PREX2: variants seen among roughly 807,000 people sequenced by gnomAD.
The protein encoded by PREX2 is phosphatidylinositol-3,4,5-trisphosphate dependent Rac exchange factor 2.
A neutral mutation model predicts 203.2 loss-of-function variants in PREX2; 107 were observed. That is an observed-to-expected ratio of 0.53 (90% CI 0.45 to 0.62). The LOEUF (loss-of-function observed/expected upper bound fraction) is 0.62, where lower values mean the gene tolerates loss of function less well. Ranked by LOEUF, PREX2 falls within the 20% of genes least tolerant of loss-of-function variation. The pLI, the probability that PREX2 is intolerant of heterozygous loss-of-function variation, is 0.00. For synonymous variants in PREX2, 672 were observed against 663.6 expected (o/e 1.01, Z -0.19); for missense variants, 1,777 against 1,955.9 (o/e 0.91, Z 1.72).
At chr8:68,124,942 A>G (rs561101867) in intron 30 of PREX2, among the ~76,000 whole-genome samples, 1 of 152,148 alleles carries the variant, frequency 6.6e-6, no homozygotes, top group South Asian at 2.1e-4. Context: ...ATTTAGTTGC[A>G]TCTCTGGTTG....
intron 35 of PREX2, among the ~76,000 whole-genome samples, chr8:68,175,524 T>TAAGTA (rs1811961423): frequency 6.6e-6 from 1 of 152,042 alleles, no homozygotes; most frequent in Non-Finnish European, 1.5e-5. Flanking sequence ...CAAGCGATAA[T>TAAGTA]GAGAACCCTA....
intron 7 of PREX2, among the ~76,000 whole-genome samples, chr8:68,043,758 G>A (rs1808264441): frequency 6.6e-6 from 1 of 151,954 alleles, no homozygotes. Context: ...TGTGCTTAAT[G>A]ATTCAAATAC....
In PREX2 at chr8:68,217,693, A is replaced by C. The variant is rs1563592194; in HGVS notation, c.4682A>C (p.Gln1561Pro). The change falls in exon 38 of 40, where the codon CAG becomes CCG. Residue 1561 changes from glutamine (Q) to proline (P), a missense_variant. Transcript: ENST00000288368. ...SHGLPPRYIM[Q>P]ATDVMRKQGA... is the part of the protein sequence containing the mutation. ...GGACTGCCACCTCGTTACATCATGC[A>C]GGCTACAGATGTGATGCGGAAGCAG... The C allele has an allele frequency of 6.2e-7, 1 of 1,613,780 alleles. No individual in the cohort carries two copies.
rs565379480 is a variant in PREX2, at chr8:68,020,065, C to A, written c.336+394C>A. On this transcript the variant is annotated intron_variant, in intron 3 of 39. Transcript: ENST00000288368. ...AGCCTTTTATTAGTCAGAATGTTCC[C>A]TTGTTAATCAACTTGTGACAAACCT... is the stretch of plus-strand genomic sequence containing the variant. 2.1e-3 allele frequency among the ~76,000 whole-genome samples: 326 copies of A among 152,146 alleles called. 2 individuals carry two copies. Among genetic ancestry groups the A allele is most frequent in the African/African-American group, 7.5e-3 (312 of 41,498 alleles).
At chr8:68,074,702 A>G (rs962906984) in intron 14 of PREX2, among the ~76,000 whole-genome samples, 1 of 151,988 alleles carries the variant, frequency 6.6e-6, no homozygotes. Context: ...TTTGTTTTTC[A>G]TGTAAGGGTC....
intron 38 of PREX2, 35 bp from the exon 39 acceptor site, chr8:68,224,524 A>C: frequency 6.5e-7 from 1 of 1,527,416 alleles, no homozygotes; most frequent in Non-Finnish European, 9.1e-7. Context: ...TTACTAACAC[A>C]CTGTAGGGAT....
chr8:68,134,960 A>C (rs1374790589), intron 32 of PREX2, among the ~76,000 whole-genome samples: 1 of 152,192 alleles, frequency 6.6e-6, no homozygotes, highest in Non-Finnish European at 1.5e-5. Context: ...TTAAAAGCAA[A>C]TGTGTTCACT....
At chr8:68,016,095 A>ATAG (rs1211403024) in intron 1 of PREX2, among the ~76,000 whole-genome samples, 1 of 152,224 alleles carries the variant, frequency 6.6e-6, no homozygotes, top group Non-Finnish European at 1.5e-5. Flanking sequence ...TTTATTTTAA[A>ATAG]TAGTCTTGTT....
At chr8:68,123,674 T>G (rs1431005233) in intron 30 of PREX2, among the ~76,000 whole-genome samples, 1 of 151,840 alleles carries the variant, frequency 6.6e-6, no homozygotes, top group East Asian at 1.9e-4. Flanking sequence ...AATGGATAAA[T>G]TCCTGGACAC....
rs1811154377 is a variant in PREX2, at chr8:68,138,397, G to A, written c.3985-18G>A. 3.0e-6 allele frequency: 4 copies of A among 1,353,764 alleles called. No homozygotes were observed. The highest frequency in any genetic ancestry group is 4.1e-6 in the Non-Finnish European group (4 of 964,772). 83.9% of individuals were successfully genotyped at this position (1,353,764 alleles called of 1,614,324 possible). A position where few individuals can be genotyped will look rare whatever the true frequency, so the allele number is the denominator to read the frequency against. ...TTTATATCATCTTGTATTATATATT[G>A]TTTTTCTTTCTTTGTAGACAGATGA... is the stretch of plus-strand genomic sequence containing the variant. On this transcript the variant is annotated intron_variant, in intron 32 of 39. Transcript: ENST00000288368.
intron 21 of PREX2, 62 bp downstream of exon 21, chr8:68,093,784 A>G: frequency 1.2e-6 from 1 of 826,800 alleles, no homozygotes; most frequent in Non-Finnish European, 2.0e-6. Context: ...GCATGTGCCT[A>G]CTCCCAAATA....
intron 38 of PREX2, among the ~76,000 whole-genome samples, chr8:68,219,170 C>T (rs933103956): frequency 6.6e-6 from 1 of 152,092 alleles, no homozygotes; most frequent in Admixed American, 6.5e-5. Context: ...CTGGAATTTA[C>T]TTTCTTTTAG....
intron 1 of PREX2, among the ~76,000 whole-genome samples, chr8:68,011,636 A>G (rs1247953412): frequency 6.6e-6 from 1 of 152,032 alleles, no homozygotes; most frequent in Non-Finnish European, 1.5e-5. Context: ...TGACTTTTAT[A>G]TGAATACTCT....
intron 6 of PREX2, among the ~76,000 whole-genome samples, chr8:68,031,852 A>C (rs1422347561): frequency 6.6e-6 from 1 of 152,208 alleles, no homozygotes; most frequent in Non-Finnish European, 1.5e-5. Context: ...TGTCACTCAA[A>C]CACTGGAAGA....
At chr8:67,982,777 C>G (rs956427150) in intron 1 of PREX2, among the ~76,000 whole-genome samples, 1 of 152,174 alleles carries the variant, frequency 6.6e-6, no homozygotes, top group African/African-American at 2.4e-5. Flanking sequence ...TTCTGACCCT[C>G]AAGATGGAAT....
At chr8:68,073,748 A>G (rs1809267335) in intron 14 of PREX2, among the ~76,000 whole-genome samples, 1 of 152,128 alleles carries the variant, frequency 6.6e-6, no homozygotes, top group African/African-American at 2.4e-5. Flanking sequence ...TTGGAGTTGG[A>G]CTTTCACATA....
At chr8:68,114,638 A>C (rs983062444) in intron 25 of PREX2, among the ~76,000 whole-genome samples, 8 of 152,348 alleles carry the variant, frequency 5.3e-5, no homozygotes, top group Non-Finnish European at 1.0e-4. Context: ...CACACAGTTC[A>C]GTCTGACTGC....
intron 6 of PREX2, among the ~76,000 whole-genome samples, chr8:68,031,356 A>G (rs1046645073): frequency 1.3e-5 from 2 of 152,204 alleles, no homozygotes; most frequent in Non-Finnish European, 2.9e-5. Flanking sequence ...GCTTTGGACT[A>G]GGTTAAATTT....
intron 1 of PREX2, among the ~76,000 whole-genome samples, chr8:68,005,695 G>A (rs889098278): frequency 6.6e-6 from 1 of 152,140 alleles, no homozygotes; most frequent in Non-Finnish European, 1.5e-5. Flanking sequence ...CTTCTAAGAA[G>A]CCTTTCCATT....
Sources: gnomAD v4.1 joint callset for allele counts (sites outside exome capture counted in the v4.1 genomes callset) on GRCh38, gnomAD v4.1.1 for gene constraint, MANE v1.5 for transcripts, NCBI Gene and HGNC (gene_info 2026-07-23, HGNC 2026-07-21) for gene names.